The following SPTLC3 variants were observed in gnomAD, a reference collection of about 807,000 sequenced individuals.
SPTLC3 encodes the protein serine palmitoyltransferase 3.
Under a neutral mutation model 59.3 loss-of-function variants are expected in SPTLC3, and 36 were observed. The ratio of observed to expected loss-of-function variants is 0.61; its 90% CI spans 0.47 to 0.80. The LOEUF (loss-of-function observed/expected upper bound fraction) is 0.80. Ranked by LOEUF, SPTLC3 falls within the 30% of genes least tolerant of loss-of-function variation. The pLI is 0.00. For synonymous variants in SPTLC3, 257 were observed against 240.8 expected (o/e 1.07, Z -0.62); for missense variants, 625 against 685.1 (o/e 0.91, Z 0.98).
intron 3 of SPTLC3, 130 bp from the exon 4 acceptor site, chr20:13,074,219 G>C: frequency 8.5e-7 from 1 of 1,176,422 alleles, no homozygotes; most frequent in Non-Finnish European, 1.3e-6. Context: ...TCACAGATCT[G>C]AGCTGCCATC....
chr20:13,046,353 C>T (rs1178963087), intron 1 of SPTLC3, among the ~76,000 whole-genome samples: 2 of 152,174 alleles, frequency 1.3e-5, no homozygotes, highest in Non-Finnish European at 2.9e-5. Context: ...ATGTTCTGTA[C>T]AGACTCATGT....
At chr20:13,072,209 C>G in intron 2 of SPTLC3, 47 bp from the exon 3 acceptor site, 1 of 1,558,806 alleles carries the variant, frequency 6.4e-7, no homozygotes, top group South Asian at 1.2e-5. Context: ...TAAGTGAAAT[C>G]CAGAAAGCAA....
intron 9 of SPTLC3, among the ~76,000 whole-genome samples, chr20:13,141,878 T>G (rs2038390897): frequency 6.6e-6 from 1 of 152,186 alleles, no homozygotes; most frequent in African/African-American, 2.4e-5. Context: ...CCTGGTCTTT[T>G]TGTGTGTGTG....
chr20:13,161,786 A>T (rs2038900587), intron 11 of SPTLC3, among the ~76,000 whole-genome samples: 1 of 152,214 alleles, frequency 6.6e-6, no homozygotes, highest in Non-Finnish European at 1.5e-5. Flanking sequence ...AAGAGTAAAG[A>T]GGATAACTTG....
intron 6 of SPTLC3, among the ~76,000 whole-genome samples, chr20:13,096,929 C>T (rs1279954748): frequency 2.0e-5 from 3 of 152,098 alleles, no homozygotes; most frequent in African/African-American, 7.2e-5. Flanking sequence ...CACTACTTTA[C>T]CTTCTGGATC....
chr20:13,070,803 G>A (rs1006235943), intron 2 of SPTLC3, among the ~76,000 whole-genome samples: 22 of 152,228 alleles, frequency 1.4e-4, no homozygotes, highest in African/African-American at 5.3e-4. Context: ...TCAGGAGTGA[G>A]GTGGGAGCCA....
intron 4 of SPTLC3, among the ~76,000 whole-genome samples, chr20:13,086,812 C>T (rs1167132165): frequency 1.3e-5 from 2 of 151,550 alleles, no homozygotes; most frequent in Non-Finnish European, 2.9e-5. Flanking sequence ...TTTTTTTCCC[C>T]TAATGAGATC....
At chr20:13,056,499 G>A (rs1212932406) in intron 2 of SPTLC3, among the ~76,000 whole-genome samples, 1 of 148,732 alleles carries the variant, frequency 6.7e-6, no homozygotes, top group East Asian at 2.0e-4. Flanking sequence ...TGTCACCCAG[G>A]CAGACTAATG....
chr20:13,132,404 C>T (rs1162174978), intron 9 of SPTLC3, among the ~76,000 whole-genome samples: 2 of 151,840 alleles, frequency 1.3e-5, no homozygotes, highest in East Asian at 1.9e-4. Context: ...CTTGAGCTCC[C>T]GACCTCAAGT....
At chr20:13,038,570 G>A (rs1035756795) in intron 1 of SPTLC3, among the ~76,000 whole-genome samples, 1 of 152,068 alleles carries the variant, frequency 6.6e-6, no homozygotes, top group East Asian at 1.9e-4. Context: ...TTCTCTTTTT[G>A]ATTGATCCAT....
intron 1 of SPTLC3, among the ~76,000 whole-genome samples, chr20:13,018,093 TGTTTGCTC>T (rs796546734): frequency 3.2e-4 from 48 of 152,320 alleles, no homozygotes; most frequent in African/African-American, 1.1e-3. Flanking sequence ...CCCCAGGGTG[TGTTTGCTC>T]CAATTGATAC....
intron 1 of SPTLC3, among the ~76,000 whole-genome samples, chr20:13,013,838 T>C (rs1016140173): frequency 6.6e-6 from 1 of 152,198 alleles, no homozygotes; most frequent in Non-Finnish European, 1.5e-5. Context: ...TATTGGATTG[T>C]TCATGATTCA....
chr20:13,138,053 T>A (rs1568622479), intron 9 of SPTLC3, among the ~76,000 whole-genome samples: 1 of 152,132 alleles, frequency 6.6e-6, no homozygotes, highest in Non-Finnish European at 1.5e-5. Context: ...TCCCTAAACA[T>A]CCTTTCTAAA....
At chr20:13,095,116 T>C (rs1326558648) in intron 6 of SPTLC3, among the ~76,000 whole-genome samples, 1 of 152,226 alleles carries the variant, frequency 6.6e-6, no homozygotes, top group Non-Finnish European at 1.5e-5. Context: ...CTACAAGGAA[T>C]GCCTTTGGTA....
At chr20:13,105,915 G>C (rs772635373) in intron 6 of SPTLC3, among the ~76,000 whole-genome samples, 1 of 152,112 alleles carries the variant, frequency 6.6e-6, no homozygotes, top group Non-Finnish European at 1.5e-5. Context: ...AAGTCGCAAG[G>C]TTTTCTTCAA....
intron 6 of SPTLC3, among the ~76,000 whole-genome samples, 164 bp from the exon 7 acceptor site, chr20:13,109,947 GA>G (rs1229535339): frequency 6.6e-6 from 1 of 152,158 alleles, no homozygotes; most frequent in Non-Finnish European, 1.5e-5. Flanking sequence ...AAGTTCTACT[GA>G]AAAATAGACC....
chr20:13,040,708 T>G (rs1418105369), intron 1 of SPTLC3, among the ~76,000 whole-genome samples: 1 of 151,818 alleles, frequency 6.6e-6, no homozygotes, highest in East Asian at 1.9e-4. Flanking sequence ...TGGATTTGAA[T>G]CATTGTCTGA....
intron 2 of SPTLC3, among the ~76,000 whole-genome samples, chr20:13,052,221 G>A (rs376033619): frequency 6.6e-6 from 1 of 152,112 alleles, no homozygotes; most frequent in Non-Finnish European, 1.5e-5. Context: ...GACCACAGAG[G>A]GCAAGCCGAA....
At chr20:13,093,358 C>CTTTAA in intron 5 of SPTLC3, 126 bp from the exon 6 acceptor site, 1 of 801,178 alleles carries the variant, frequency 1.2e-6, no homozygotes, top group Non-Finnish European at 2.0e-6. Flanking sequence ...AACTCTTGGC[C>CTTTAA]TTTTAAAATT....
Sources: allele counts gnomAD v4.1 joint callset (sites outside exome capture counted in the v4.1 genomes callset), GRCh38; gene constraint gnomAD v4.1.1; transcripts MANE v1.5; gene names NCBI Gene and HGNC (gene_info 2026-07-23, HGNC 2026-07-21).